The following ACOT11 variants were observed in gnomAD, a reference collection of about 807,000 sequenced individuals.
ACOT11 encodes acyl-CoA thioesterase 11, also known as acyl-coenzyme A thioesterase 11.
ACOT11 carries 69 observed loss-of-function variants against 77.5 expected under a neutral mutation model. The observed-to-expected ratio is 0.89, with a 90% confidence interval of 0.73 to 1.09. ACOT11 has a LOEUF of 1.09. Ranked by LOEUF, ACOT11 falls within the 50% of genes least tolerant of loss-of-function variation. ACOT11 has a pLI of 0.00. For synonymous variants in ACOT11, 279 were observed against 313.0 expected (o/e 0.89, Z 1.15); for missense variants, 766 against 813.7 (o/e 0.94, Z 0.71).
At chr1:54,553,501 A>G (rs1653146042) in intron 1 of ACOT11, among the ~76,000 whole-genome samples, 1 of 151,998 alleles carries the variant, frequency 6.6e-6, no homozygotes, top group Non-Finnish European at 1.5e-5. Context: ...TGGACAGGTA[A>G]TATTCTATGT....
chr1:54,600,216 T>G (rs973765900), intron 8 of ACOT11, among the ~76,000 whole-genome samples: 2 of 152,208 alleles, frequency 1.3e-5, no homozygotes, highest in Non-Finnish European at 2.9e-5. Context: ...AGCCCTTTTG[T>G]AGGAGCTGTG....
chr1:54,604,233 C>T lies in ACOT11; in HGVS notation c.1153-113C>T, dbSNP rs899836611. 56 of 963,642 alleles carry T rather than the reference C, an allele frequency of 5.8e-5. No individual in the cohort carries two copies. In the Middle Eastern group the frequency reaches 1.3e-3, roughly 22 times the overall value. 59.7% of individuals were successfully genotyped at this position (963,642 alleles called of 1,614,324 possible). On this transcript the variant is annotated intron_variant, in intron 11 of 15. Transcript: ENST00000343744. ...CCACAGCACCTGCCGCACCACCCAC[C>T]CACCGCCCAACCCATTCCTGGCCCA... is the stretch of plus-strand genomic sequence containing the variant.
At chr1:54,634,348 T>C (rs140275361) in intron 16 of ACOT11, among the ~76,000 whole-genome samples, 2,208 of 152,364 alleles carry the variant, frequency 0.014, 61 homozygotes, top group African/African-American at 0.051. Context: ...CTTCTTATTC[T>C]GGCTCAAAAA....
At chr1:54,616,025 TG>T in intron 15 of ACOT11, 1 of 1,613,740 alleles carries the variant, frequency 6.2e-7, no homozygotes, top group East Asian at 2.2e-5. Context: ...CTTACCCTTT[TG>T]GGAAGAGCCC....
chr1:54,564,785 T>C (rs956182235), intron 1 of ACOT11, among the ~76,000 whole-genome samples: 4 of 152,112 alleles, frequency 2.6e-5, no homozygotes, highest in African/African-American at 9.7e-5. Context: ...TCCTCATTCA[T>C]AACATAGGGA....
chr1:54,596,830 C>T (rs953023393), intron 6 of ACOT11, among the ~76,000 whole-genome samples: 3 of 152,228 alleles, frequency 2.0e-5, no homozygotes, highest in African/African-American at 7.2e-5. Context: ...CCTCCTTGGC[C>T]TCCCAAAGTG....
chr1:54,634,980 C>T (rs542753222), exon 17 of ACOT11: 9 of 463,194 alleles, frequency 1.9e-5, no homozygotes, highest in African/African-American at 1.8e-4. Context: ...ATCACCACTG[C>T]CGTGAGTATT....
intron 1 of ACOT11, among the ~76,000 whole-genome samples, chr1:54,558,767 C>T (rs376968779): frequency 6.6e-6 from 1 of 152,196 alleles, no homozygotes; most frequent in South Asian, 2.1e-4. Context: ...GGGCAGGCTT[C>T]CAGGACCTGC....
exon 17 of ACOT11, chr1:54,634,789 G>C (rs575700265): frequency 2.9e-6 from 2 of 697,768 alleles, no homozygotes; most frequent in Non-Finnish European, 5.2e-6. Context: ...AGGACCCCCT[G>C]GTTGCAGCCA....
At chr1:54,597,154 G>A (rs1459859009) in intron 6 of ACOT11, 105 bp from the exon 7 acceptor site, 3 of 1,429,278 alleles carry the variant, frequency 2.1e-6, no homozygotes, top group South Asian at 1.2e-5. Context: ...AAAAGAACCT[G>A]AGTGGGGTAG....
At position 54,584,521 on chromosome 1, in the gene ACOT11, G is replaced by T. The variant is rs1336333120; in HGVS notation, c.34-134G>T. ...GGCTGGAGGGTGGTGACCACTCTCG[G>T]GTTGGGGTCTGGTGGGAGGTGGCCC... On this transcript the variant is annotated intron_variant, in intron 1 of 15. Coordinates refer to ENST00000343744, the MANE Select transcript of ACOT11 (RefSeq NM_147161.4). The surrounding 1 kb of genome is among the most constrained non-coding windows in gnomAD (Gnocchi z 6.3). 3 of 780,900 alleles carry T rather than the reference G, an allele frequency of 3.8e-6. No individual in the cohort carries two copies. The highest frequency in any genetic ancestry group is 6.1e-6 in the Non-Finnish European group (3 of 488,014). The allele number at this position is 780,900 out of a possible 1,614,324, so 48.4% of individuals were successfully genotyped here. A position where few individuals can be genotyped will look rare whatever the true frequency, so the allele number is the denominator to read the frequency against.
In ACOT11 at chr1:54,604,362, A is replaced by G. The variant is rs755948750; in HGVS notation, c.1169A>G (p.Asn390Ser). 3.7e-6 allele frequency: 6 copies of G among 1,613,954 alleles called. 1 individual carries two copies. The highest frequency in any genetic ancestry group is 3.3e-5 in the Admixed American group (2 of 59,994). ...CTCTTTCAGGTGTACCTGAGCTACA[A>G]TAACGTCTCCTCCTTGAAGATGCTT... is the stretch of plus-strand genomic sequence containing the variant. ...DPSNQVYLSY[N>S]NVSSLKMLVA... Residue 390 changes from asparagine (N) to serine (S), a missense_variant, in exon 12 of 16, where the codon AAT becomes AGT. By Grantham distance (46) the Asn-to-Ser change is conservative. Transcript: ENST00000343744.
chr1:54,624,652 G>T (rs1210985907), intron 15 of ACOT11, among the ~76,000 whole-genome samples: 2 of 152,142 alleles, frequency 1.3e-5, no homozygotes, highest in Admixed American at 1.3e-4. Flanking sequence ...GGGTGTCAAT[G>T]GGAAGGTCAA....
At position 54,594,025 on chromosome 1, in the gene ACOT11, C is replaced by T. The variant is rs762558370; in HGVS notation, c.457C>T (p.Arg153Ter). 27 of 1,613,696 alleles carry T rather than the reference C, an allele frequency of 1.7e-5. No homozygotes were observed. The highest frequency in any genetic ancestry group is 8.8e-5 in the South Asian group (8 of 91,068). ...GGCCTTGGCCACCTTCGTGGCCCGC[C>T]GAGAGATCACCAAGGTAACTGGGTG... The part of the protein sequence containing the change: ...CKALATFVAR[R>*]EITKVKLKQI... The change falls in exon 5 of 16, where the codon CGA becomes TGA. Residue 153 changes from arginine to a stop codon, truncating the protein, a stop_gained. Transcript: ENST00000343744. LOFTEE classifies it high-confidence loss of function.
intron 15 of ACOT11, chr1:54,616,031 G>A: frequency 6.2e-7 from 1 of 1,613,856 alleles, no homozygotes; most frequent in South Asian, 1.1e-5. Flanking sequence ...CTTTTGGGAA[G>A]AGCCCAGCAC....
rs778700519 is a variant in ACOT11, at chr1:54,609,425, C to T, written c.*313C>T. The stretch of plus-strand genomic sequence containing the variant: ...GTTGTGCTCCACTGTGACGGTGGCC[C>T]GGGGGGAGGATGCCAGCAGCCTGCC... On this transcript the variant is annotated 3_prime_UTR_variant, in exon 16 of 16. Coordinates refer to ENST00000343744, the MANE Select transcript of ACOT11 (RefSeq NM_147161.4). 2.3e-5 allele frequency: 37 copies of T among 1,613,648 alleles called. No homozygotes were observed. Among genetic ancestry groups the T allele is most frequent in the African/African-American group, 2.3e-4 (17 of 74,884 alleles).
intron 16 of ACOT11, among the ~76,000 whole-genome samples, chr1:54,631,898 A>G (rs1268371114): frequency 6.6e-6 from 1 of 152,222 alleles, no homozygotes; most frequent in Non-Finnish European, 1.5e-5. Context: ...GGGAAAGCAC[A>G]TTTAGTTTAT....
At chr1:54,598,518 G>T (rs1044734045) in intron 7 of ACOT11, 4 of 152,286 alleles carry the variant, frequency 2.6e-5, no homozygotes, top group Admixed American at 2.6e-4. Flanking sequence ...AGAATGTGTA[G>T]TTCCAGGCTG....
chr1:54,572,150 C>T (rs1653949178), intron 1 of ACOT11, among the ~76,000 whole-genome samples: 1 of 151,888 alleles, frequency 6.6e-6, no homozygotes, highest in Admixed American at 6.6e-5. Context: ...GTTTTTCTCT[C>T]GCTCTGACCT....
Sources: gnomAD v4.1 joint callset for allele counts (sites outside exome capture counted in the v4.1 genomes callset) on GRCh38, gnomAD v4.1.1 for gene constraint, Gnocchi (gnomAD v3.1) non-coding constraint, MANE v1.5 for transcripts, NCBI Gene and HGNC (gene_info 2026-07-23, HGNC 2026-07-21) for gene names.